The following NICOL1 variants were observed in gnomAD, a reference collection of about 807,000 sequenced individuals.
NICOL1 encodes NELL2 interacting cell ontogeny regulator 1.
At chr4:2,037,819 T>A in the NICOL1 span, among the ~76,000 whole-genome samples, 2 of 151,720 alleles carry the variant, frequency 1.3e-5, no homozygotes, top group Non-Finnish European at 2.9e-5. Flanking sequence ...CATATGTTTG[T>A]TCTTGGTTTC....
the NICOL1 span, chr4:2,042,700 CT>C: frequency 7.6e-7 from 1 of 1,316,788 alleles, no homozygotes; most frequent in Non-Finnish European, 1.0e-6. Flanking sequence ...GTGACCCCCC[CT>C]GCGCCCCCTC....
chr4:2,039,586 G>T, the NICOL1 span, among the ~76,000 whole-genome samples: 1 of 152,120 alleles, frequency 6.6e-6, no homozygotes, highest in African/African-American at 2.4e-5. Context: ...TGGATTCCCA[G>T]CACTTTGGGA....
the NICOL1 span, among the ~76,000 whole-genome samples, chr4:2,040,389 C>T: frequency 6.6e-6 from 1 of 152,158 alleles, no homozygotes; most frequent in African/African-American, 2.4e-5. Context: ...TTAGATTGTC[C>T]GTGGGCGCGA....
chr4:2,041,152 G>C, the NICOL1 span, among the ~76,000 whole-genome samples: 3 of 149,372 alleles, frequency 2.0e-5, no homozygotes, highest in Non-Finnish European at 4.5e-5. Flanking sequence ...GGGTGGGGTG[G>C]GGGGGGAGCG....
At chr4:2,038,414 A>G in the NICOL1 span, among the ~76,000 whole-genome samples, 4 of 151,414 alleles carry the variant, frequency 2.6e-5, no homozygotes, top group Non-Finnish European at 5.9e-5. Flanking sequence ...CAGCCTCCCA[A>G]CTAGATGGGA....
chr4:2,041,749 T>G, the NICOL1 span: 1 of 452,736 alleles, frequency 2.2e-6, no homozygotes, highest in African/African-American at 2.1e-5. Flanking sequence ...TCCCACTTCC[T>G]CAGCTTTTCT....
the NICOL1 span, among the ~76,000 whole-genome samples, chr4:2,040,184 G>A: frequency 3.9e-5 from 6 of 152,172 alleles, no homozygotes; most frequent in African/African-American, 4.8e-5. Context: ...TCAGCTCACT[G>A]CAACCTCTGC....
the NICOL1 span, among the ~76,000 whole-genome samples, chr4:2,038,643 A>G: frequency 6.6e-6 from 1 of 152,188 alleles, no homozygotes; most frequent in African/African-American, 2.4e-5. Flanking sequence ...TACAGTGTTC[A>G]ATATATGTAC....
At chr4:2,037,731 T>G in the NICOL1 span, among the ~76,000 whole-genome samples, 1 of 152,096 alleles carries the variant, frequency 6.6e-6, no homozygotes, top group Non-Finnish European at 1.5e-5. Context: ...AGTTATGTTA[T>G]GATAAATTAA....
At chr4:2,042,550 G>T in the NICOL1 span, 3 of 457,432 alleles carry the variant, frequency 6.6e-6, no homozygotes, top group Non-Finnish European at 1.2e-5. Flanking sequence ...GCGGGGCCGG[G>T]GCTCTGCGGG....
At chr4:2,042,058 C>T in the NICOL1 span, 2 of 1,478,614 alleles carry the variant, frequency 1.4e-6, no homozygotes, top group East Asian at 2.9e-5. Flanking sequence ...TCCCGGGGTC[C>T]CTGAACCGCG....
chr4:2,037,196 A>G, the NICOL1 span, among the ~76,000 whole-genome samples: 9 of 152,242 alleles, frequency 5.9e-5, 1 homozygote, highest in Admixed American at 2.6e-4. Context: ...AAGTTTCCTG[A>G]AGCTCCCCAA....
chr4:2,043,782 C>A, the NICOL1 span: 1 of 1,235,984 alleles, frequency 8.1e-7, no homozygotes, highest in Non-Finnish European at 1.1e-6. Context: ...GGAGATAGGG[C>A]TGCCTTGGGT....
At chr4:2,042,753 T>A in the NICOL1 span, 1 of 1,517,560 alleles carries the variant, frequency 6.6e-7, no homozygotes, top group Non-Finnish European at 8.8e-7. Context: ...ATGCGTGGAC[T>A]GCCACGCCTT....
the NICOL1 span, among the ~76,000 whole-genome samples, chr4:2,037,303 C>A: frequency 6.6e-6 from 1 of 152,168 alleles, no homozygotes; most frequent in Non-Finnish European, 1.5e-5. Context: ...CCATGTTGGT[C>A]AGGCCGGTCT....
the NICOL1 span, chr4:2,042,068 G>T: frequency 1.0e-5 from 15 of 1,483,190 alleles, no homozygotes; most frequent in Middle Eastern, 1.9e-4. Flanking sequence ...CCTGAACCGC[G>T]GTAAGGGCGG....
the NICOL1 span, among the ~76,000 whole-genome samples, chr4:2,039,709 A>G: frequency 6.6e-6 from 1 of 151,942 alleles, no homozygotes; most frequent in African/African-American, 2.4e-5. Context: ...GTGTGGTGGC[A>G]CGCACCTGTA....
At chr4:2,040,669 C>T in the NICOL1 span, among the ~76,000 whole-genome samples, 3 of 152,202 alleles carry the variant, frequency 2.0e-5, no homozygotes, top group African/African-American at 7.2e-5. Flanking sequence ...GGGCCGCTGC[C>T]TCCCCAGGCG....
chr4:2,042,826 TGA>T, the NICOL1 span: 1 of 1,483,338 alleles, frequency 6.7e-7, no homozygotes, highest in Non-Finnish European at 8.9e-7. Context: ...GACGCGCGGG[TGA>T]GCGCCCGCGG....
Sources: allele counts gnomAD v4.1 joint callset (sites outside exome capture counted in the v4.1 genomes callset), GRCh38; gene constraint gnomAD v4.1.1; transcripts MANE v1.5; gene names NCBI Gene and HGNC (gene_info 2026-07-23, HGNC 2026-07-21).